The following TTI2 variants were observed in gnomAD, a reference collection of about 807,000 sequenced individuals.
The protein encoded by TTI2 is TELO2-interacting protein 2.
TTI2 carries 26 observed loss-of-function variants against 44.9 expected under a neutral mutation model. The observed-to-expected ratio is 0.58, with a 90% confidence interval of 0.42 to 0.80. TTI2 has a LOEUF of 0.80. Among genes scored for constraint, TTI2 ranks in the 30% least tolerant of loss-of-function variants. TTI2 has a pLI of 0.00. For missense variants in TTI2, 582 were observed against 611.6 expected, an observed-to-expected ratio of 0.95 and a Z score of 0.51; for synonymous variants, 254 against 250.9, an observed-to-expected ratio of 1.01 and a Z score of -0.12.
At chr8:33,505,714 C>T (rs994543167) in intron 4 of TTI2, among the ~76,000 whole-genome samples, 2 of 152,060 alleles carry the variant, frequency 1.3e-5, no homozygotes, top group Non-Finnish European at 2.9e-5. Context: ...AGTGCAGTGG[C>T]GCGATCTTGG....
chr8:33,501,217 T>A (rs536633139), intron 6 of TTI2: 1 of 152,320 alleles, frequency 6.6e-6, no homozygotes, highest in East Asian at 1.9e-4. Flanking sequence ...ACTTACAATG[T>A]GAAAATACAA....
At chr8:33,508,617 CAA>C (rs55717202) in intron 3 of TTI2, among the ~76,000 whole-genome samples, 3 of 63,978 alleles carry the variant, frequency 4.7e-5, no homozygotes, top group Non-Finnish European at 5.5e-5. Context: ...GACTCTGCCT[CAA>C]AAAAAAAAAA....
intron 4 of TTI2, among the ~76,000 whole-genome samples, chr8:33,504,715 G>A (rs1288224055): frequency 6.6e-6 from 1 of 152,106 alleles, no homozygotes; most frequent in Admixed American, 6.5e-5. Flanking sequence ...TTACAGATTT[G>A]TGTTGGGCTG....
intron 4 of TTI2, 30 bp from the exon 5 acceptor site, chr8:33,503,965 T>C (rs963005340): frequency 1.9e-6 from 3 of 1,607,572 alleles, no homozygotes; most frequent in Admixed American, 1.7e-5. Flanking sequence ...GGACGGTGCA[T>C]AGTTCATCCA....
chr8:33,508,642 G>T (rs1809394603), intron 3 of TTI2, among the ~76,000 whole-genome samples: 1 of 105,770 alleles, frequency 9.5e-6, no homozygotes, highest in Non-Finnish European at 2.1e-5. Flanking sequence ...AAAAAAAAGG[G>T]CAGGGGGGCA....
rs1341437473 is a variant in TTI2 at position 33,499,228 on chromosome 8, T to C, written c.1472A>G (p.Asn491Ser). ...AACCTGCTGCACTTTTCTGATATAG[T>C]TCACCACTTTTCTGTCTTCACAGCT... ...PQSCEDRKVV[N>S]YIRKVQQVSE... The change falls in exon 8 of 8, where the codon AAC becomes AGC. Residue 491 changes from asparagine to serine, a missense_variant. Transcript: ENST00000431156. 1.2e-6 allele frequency: 2 copies of C among 1,614,150 alleles called. No individual in the cohort carries two copies. Among genetic ancestry groups the C allele is most frequent in the Admixed American group, 1.7e-5 (1 of 60,020 alleles).
intron 6 of TTI2, 143 bp from the exon 7 acceptor site, chr8:33,500,633 CAG>C: frequency 9.7e-7 from 1 of 1,035,600 alleles, no homozygotes; most frequent in Non-Finnish European, 1.4e-6. Context: ...GACCTAAAAA[CAG>C]AACCAAAGAC....
intron 4 of TTI2, among the ~76,000 whole-genome samples, chr8:33,505,925 T>C (rs1208233980): frequency 6.6e-6 from 1 of 152,140 alleles, no homozygotes; most frequent in Non-Finnish European, 1.5e-5. Flanking sequence ...AGTGCTAGGA[T>C]TACAGATGTG....
At position 33,508,336 on chromosome 8, in the gene TTI2, G is replaced by A. The variant is rs900471601; in HGVS notation, c.835-1015C>T. ...AAAAGGGGGCTGAGGCCGGGCTCAC[G>A]CCTATAATCAATCCCAGCACTTTAG... On this transcript the variant is annotated intron_variant, in intron 3 of 7. Coordinates refer to ENST00000431156, the MANE Select transcript of TTI2 (RefSeq NM_001102401.4). 5.3e-5 allele frequency among the ~76,000 whole-genome samples: 8 copies of A among 151,886 alleles called. No individual in the cohort carries two copies. In the South Asian group the frequency reaches 6.2e-4, roughly 12 times the overall value.
rs55717202 is a variant in TTI2 at position 33,508,617 on chromosome 8, C to CAAAAAAAAA, written c.834+1120_834+1128dup. 6.3e-5 allele frequency among the ~76,000 whole-genome samples: 4 copies of CAAAAAAAAA among 63,964 alleles called. 1 individual carries two copies. The highest frequency in any genetic ancestry group is 2.5e-4 in the African/African-American group (4 of 16,194). The allele number at this position is 63,964 out of a possible 152,430, so 42.0% of individuals were successfully genotyped here. ...TAAGCGACAGAGCAAGACTCTGCCTCAAAAAAAAAAAAAAAAAAAAAAGGG... is the reference window on the plus strand; with the variant it reads ...TAAGCGACAGAGCAAGACTCTGCCTCAAAAAAAAAAAAAAAAAAAAAAAAAAAAAAAGGG... On this transcript the variant is annotated intron_variant, in intron 3 of 7. Transcript: ENST00000431156.
At chr8:33,506,219 A>G (rs1395288642) in intron 4 of TTI2, among the ~76,000 whole-genome samples, 2 of 152,178 alleles carry the variant, frequency 1.3e-5, no homozygotes, top group African/African-American at 4.8e-5. Flanking sequence ...AAAAATCCCT[A>G]TCCGTTCATT....
chr8:33,504,661 T>TA (rs886389339), intron 4 of TTI2, among the ~76,000 whole-genome samples: 176 of 149,244 alleles, frequency 1.2e-3, no homozygotes, highest in Admixed American at 1.7e-3. Flanking sequence ...TGATGAGCTT[T>TA]AAAAAAAAAA....
Position 33,512,398 on chromosome 8 carries a change from A to G in TTI2, c.216T>C (p.Gly72=). ...TCTCCGGCATTCCGCGGAGCCGTGC[A>G]CCAGTCCCCTCAAATAACCTATCAA... ...TEFDRLFEGT[G]ARLRGMPETL... is the part of the protein sequence containing the mutation. The change falls in exon 2 of 8, where the codon GGT becomes GGC. Residue 72 remains glycine (G), a synonymous_variant. Coordinates refer to ENST00000431156, the MANE Select transcript of TTI2 (RefSeq NM_001102401.4). 6.2e-7 allele frequency: 1 copy of G among 1,614,086 alleles called. No individual in the cohort carries two copies. The highest frequency in any genetic ancestry group is 1.1e-5 in the South Asian group (1 of 91,084).
intron 6 of TTI2, chr8:33,500,699 C>T (rs1809044583): frequency 3.7e-6 from 2 of 539,832 alleles, no homozygotes; most frequent in Non-Finnish European, 3.3e-6. Flanking sequence ...CCTATACACA[C>T]AGACACACCC....
rs780917408 is a variant in TTI2, at chr8:33,498,756, T to A, written c.*417A>T. The A allele has an allele frequency of 2.2e-5, 18 of 808,850 alleles. No homozygotes were observed. Among genetic ancestry groups the A allele is most frequent in the Non-Finnish European group, 3.1e-5 (16 of 517,390 alleles). 50.1% of individuals were successfully genotyped at this position (808,850 alleles called of 1,614,324 possible). ...TTGTACTGAACACAATATTTGTGTT[T>A]TTATTATTTATGCCACGTCAGTGGG... On this transcript the variant is annotated 3_prime_UTR_variant, in exon 8 of 8. Coordinates refer to ENST00000431156, the MANE Select transcript of TTI2 (RefSeq NM_001102401.4).
At chr8:33,499,419 G>A in intron 7 of TTI2, 142 bp from the exon 8 acceptor site, 1 of 646,594 alleles carries the variant, frequency 1.5e-6, no homozygotes, top group South Asian at 1.8e-5. Context: ...AGCAGAATAG[G>A]TATTAGTTGG....
intron 3 of TTI2, among the ~76,000 whole-genome samples, chr8:33,508,617 C>CAGAA (rs1809391887): frequency 1.6e-5 from 1 of 63,978 alleles, no homozygotes. Context: ...GACTCTGCCT[C>CAGAA]AAAAAAAAAA....
chr8:33,501,248 A>C lies in TTI2; in HGVS notation c.1260-758T>G, dbSNP rs959281558. ...TACAATGTGAAATGTACAATAAATC[A>C]TATTTATGGACAGATGCGTGACTGG... On this transcript the variant is annotated intron_variant, in intron 6 of 7. Coordinates refer to ENST00000431156, the MANE Select transcript of TTI2 (RefSeq NM_001102401.4). The C allele has an allele frequency of 2.6e-5, 4 of 152,240 alleles. No homozygotes were observed. In the East Asian group the frequency reaches 7.7e-4, roughly 29 times the overall value. 9.4% of individuals were successfully genotyped at this position (152,240 alleles called of 1,614,324 possible). A position where few individuals can be genotyped will look rare whatever the true frequency, so the allele number is the denominator to read the frequency against.
rs1809188444 is a variant in TTI2, at chr8:33,503,753, C to T, written c.1110G>A (p.Val370=). 1.2e-6 allele frequency: 2 copies of T among 1,613,526 alleles called. No individual in the cohort carries two copies. The highest frequency in any genetic ancestry group is 4.5e-5 in the East Asian group (2 of 44,874). ...ATAAAAGCCCAGGGCCTCACCTGTTCACGAAAGCCGGCAGGTTTCTTGCGT... is the reference window on the plus strand; with the variant it reads ...ATAAAAGCCCAGGGCCTCACCTGTTTACGAAAGCCGGCAGGTTTCTTGCGT... ...RTYARNLPAF[V]NRLGILTVRH... The change falls in exon 5 of 8, where the codon GTG becomes GTA. Residue 370 remains valine, a synonymous_variant. Transcript: ENST00000431156.
Sources: allele counts gnomAD v4.1 joint callset (sites outside exome capture counted in the v4.1 genomes callset), GRCh38; gene constraint gnomAD v4.1.1; transcripts MANE v1.5; gene names NCBI Gene and HGNC (gene_info 2026-07-23, HGNC 2026-07-21).